The following KCNH5 variants were observed in gnomAD, a reference collection of about 807,000 sequenced individuals.
The protein encoded by KCNH5 is potassium voltage-gated channel subfamily H member 5.
KCNH5 carries 46 observed loss-of-function variants against 96.1 expected under a neutral mutation model. The ratio of observed to expected loss-of-function variants is 0.48; its 90% CI spans 0.38 to 0.61. The LOEUF (loss-of-function observed/expected upper bound fraction) is 0.61, where lower values mean the gene tolerates loss of function less well. KCNH5 is among the 20% of genes least tolerant of loss of function. The pLI, the probability that KCNH5 is intolerant of heterozygous loss-of-function variation, is 0.00. For synonymous variants in KCNH5, 439 were observed against 449.8 expected (o/e 0.98, Z 0.30); for missense variants, 907 against 1,225.8 (o/e 0.74, Z 3.88).
At chr14:62,874,434 C>G (rs1888326589) in intron 7 of KCNH5, among the ~76,000 whole-genome samples, 1 of 152,156 alleles carries the variant, frequency 6.6e-6, no homozygotes, top group Non-Finnish European at 1.5e-5. Flanking sequence ...TCACACCAGT[C>G]AGAATGGCGA....
At chr14:62,909,813 T>A (rs1453304825) in intron 7 of KCNH5, among the ~76,000 whole-genome samples, 1 of 152,106 alleles carries the variant, frequency 6.6e-6, no homozygotes, top group African/African-American at 2.4e-5. Context: ...TGTCAGCCCA[T>A]CTAACTGAGA....
At chr14:62,855,984 C>T (rs941416531) in intron 7 of KCNH5, among the ~76,000 whole-genome samples, 7 of 152,152 alleles carry the variant, frequency 4.6e-5, no homozygotes, top group African/African-American at 1.2e-4. Flanking sequence ...CTATAGAAAA[C>T]TATTCATCCT....
rs1159196238 is a variant in KCNH5 at position 63,016,878 on chromosome 14, G to A, written c.150C>T (p.Leu50=). 6 of 1,611,792 alleles carry A rather than the reference G, an allele frequency of 3.7e-6. No homozygotes were observed. The highest frequency in any genetic ancestry group is 5.1e-6 in the Non-Finnish European group (6 of 1,178,614). The change falls in exon 2 of 11, where the codon CTC becomes CTT. Residue 50 remains leucine (L), a synonymous_variant. Transcript: ENST00000322893. ...TGACGTCAGCTCGATGATATCCAGA[G>A]AGTTTACAAAAACCGTCATTACTAT... ...VVYSNDGFCK[L]SGYHRADVMQ...
At chr14:62,914,933 T>C (rs918217125) in intron 7 of KCNH5, among the ~76,000 whole-genome samples, 4 of 152,190 alleles carry the variant, frequency 2.6e-5, no homozygotes, top group East Asian at 1.9e-4. Flanking sequence ...ACATTCCCAA[T>C]GGATTTGGGA....
chr14:63,037,593 TA>T (rs1381884773), intron 1 of KCNH5, among the ~76,000 whole-genome samples: 2 of 152,082 alleles, frequency 1.3e-5, no homozygotes, highest in African/African-American at 4.8e-5. Context: ...CCCCCAAATT[TA>T]AAAAATAAAA....
intron 10 of KCNH5, among the ~76,000 whole-genome samples, chr14:62,710,886 A>G (rs915063): frequency 1 from 152,264 of 152,342 alleles, 76,093 homozygotes; most frequent in Middle Eastern, 1. Flanking sequence ...TTGTTTATTC[A>G]AATTTTAATT....
intron 6 of KCNH5, among the ~76,000 whole-genome samples, chr14:62,971,894 TA>T (rs1300080955): frequency 6.6e-6 from 1 of 151,906 alleles, no homozygotes; most frequent in Non-Finnish European, 1.5e-5. Flanking sequence ...TGCAAAACTA[TA>T]AAACTTATGG....
intron 6 of KCNH5, among the ~76,000 whole-genome samples, chr14:62,974,081 T>G (rs1320022785): frequency 1.3e-5 from 2 of 152,208 alleles, no homozygotes; most frequent in Non-Finnish European, 2.9e-5. Context: ...TTTAGAAAAT[T>G]ATCTTCCATA....
At chr14:62,997,635 A>T (rs897070282) in intron 4 of KCNH5, among the ~76,000 whole-genome samples, 2 of 152,004 alleles carry the variant, frequency 1.3e-5, no homozygotes, top group African/African-American at 4.8e-5. Flanking sequence ...TTGAATCTAT[A>T]TTCATGAAAA....
At chr14:62,898,151 T>C (rs1370990022) in intron 7 of KCNH5, among the ~76,000 whole-genome samples, 1 of 152,156 alleles carries the variant, frequency 6.6e-6, no homozygotes, top group Non-Finnish European at 1.5e-5. Context: ...TTGAAAAATA[T>C]AATGTAATAA....
chr14:62,857,139 T>A (rs12895668), intron 7 of KCNH5, among the ~76,000 whole-genome samples: 1 of 151,912 alleles, frequency 6.6e-6, no homozygotes, highest in South Asian at 2.1e-4. Context: ...TACATGGCAA[T>A]GACTATTGAT....
chr14:62,718,593 C>G (rs1008872843), intron 10 of KCNH5, among the ~76,000 whole-genome samples: 1 of 152,074 alleles, frequency 6.6e-6, no homozygotes, highest in African/African-American at 2.4e-5. Context: ...AAACTGGAAC[C>G]CTCACACATT....
intron 8 of KCNH5, among the ~76,000 whole-genome samples, chr14:62,816,370 T>A (rs1326828272): frequency 6.6e-6 from 1 of 151,976 alleles, no homozygotes; most frequent in African/African-American, 2.4e-5. Context: ...GTAAACTGAC[T>A]ATGTAAAATA....
intron 7 of KCNH5, among the ~76,000 whole-genome samples, chr14:62,882,438 G>C (rs1390833478): frequency 2.0e-5 from 3 of 152,136 alleles, no homozygotes; most frequent in Non-Finnish European, 4.4e-5. Flanking sequence ...TGGGACTTTA[G>C]CCAAGTCTCA....
intron 6 of KCNH5, among the ~76,000 whole-genome samples, chr14:62,962,828 C>A (rs1456764945): frequency 6.6e-6 from 1 of 152,048 alleles, no homozygotes; most frequent in Non-Finnish European, 1.5e-5. Flanking sequence ...TTAAAAGAGA[C>A]AATAATTTCC....
At chr14:62,938,960 T>C (rs1242796033) in intron 7 of KCNH5, among the ~76,000 whole-genome samples, 1 of 152,218 alleles carries the variant, frequency 6.6e-6, no homozygotes, top group East Asian at 1.9e-4. Context: ...TAGAAAAACA[T>C]ATTGGCTGTG....
intron 9 of KCNH5, among the ~76,000 whole-genome samples, chr14:62,792,935 G>T (rs375720758): frequency 6.6e-6 from 1 of 151,654 alleles, no homozygotes; most frequent in African/African-American, 2.4e-5. Flanking sequence ...AAAACGTGGC[G>T]TATGCATACA....
Position 62,875,374 on chromosome 14 carries a change from G to A in KCNH5, c.1370-25522C>T, listed in dbSNP as rs1016518775. Reference sequence around the variant, plus strand: ...TTCATATGGAACCAAAAAAGAGCCCGCATCGCCAAGTCAATCCTAAGCCAA... The same window carrying A: ...TTCATATGGAACCAAAAAAGAGCCCACATCGCCAAGTCAATCCTAAGCCAA... On this transcript the variant is annotated intron_variant, in intron 7 of 10. Coordinates refer to ENST00000322893, the MANE Select transcript of KCNH5 (RefSeq NM_139318.5). Among the ~76,000 whole-genome samples, 26 of 152,080 alleles carry A rather than the reference G, an allele frequency of 1.7e-4. 1 individual carries two copies. The highest frequency in any genetic ancestry group is 3.4e-4 in the African/African-American group (14 of 41,472).
At chr14:62,797,574 T>C (rs1367981007) in intron 9 of KCNH5, among the ~76,000 whole-genome samples, 1 of 152,174 alleles carries the variant, frequency 6.6e-6, no homozygotes, top group African/African-American at 2.4e-5. Context: ...AACTACAGCA[T>C]AAAAATCACA....
Sources: gnomAD v4.1 joint callset for allele counts (sites outside exome capture counted in the v4.1 genomes callset) on GRCh38, gnomAD v4.1.1 for gene constraint, MANE v1.5 for transcripts, NCBI Gene and HGNC (gene_info 2026-07-23, HGNC 2026-07-21) for gene names.